AFDN: variants seen among roughly 807,000 people sequenced by gnomAD.
The protein encoded by AFDN is afadin, adherens junction formation factor, also known as afadin.
Under a neutral mutation model 216.6 loss-of-function variants are expected in AFDN, and 68 were observed. The ratio of observed to expected loss-of-function variants is 0.31; its 90% confidence interval spans 0.26 to 0.38. The LOEUF (loss-of-function observed/expected upper bound fraction) is 0.38. AFDN is among the 10% of genes least tolerant of loss of function. AFDN has a pLI of 1.00. For missense variants in AFDN, 2,136 were observed against 2,342.0 expected (o/e 0.91, Z 1.82); for synonymous variants, 868 against 853.7 (o/e 1.02, Z -0.29).
intron 9 of AFDN, among the ~76,000 whole-genome samples, chr6:167,896,085 G>A (rs1185243865): frequency 6.6e-6 from 1 of 152,156 alleles, no homozygotes; most frequent in Non-Finnish European, 1.5e-5. Context: ...TAGGTGAAGA[G>A]TGAGAAAACA....
intron 1 of AFDN, among the ~76,000 whole-genome samples, chr6:167,829,922 A>G (rs1369862834): frequency 2.6e-5 from 4 of 152,204 alleles, no homozygotes; most frequent in Admixed American, 1.3e-4. Flanking sequence ...GGGTAAAGGA[A>G]GGGCTTACAA....
intron 32 of AFDN, among the ~76,000 whole-genome samples, chr6:167,967,588 C>T (rs1797690883): frequency 1.3e-5 from 2 of 152,052 alleles, no homozygotes; most frequent in Admixed American, 6.6e-5. Flanking sequence ...TGTGTCATGA[C>T]AGAAATGTGA....
chr6:167,966,855 C>T (rs563930311), intron 32 of AFDN, among the ~76,000 whole-genome samples: 1 of 152,294 alleles, frequency 6.6e-6, no homozygotes, highest in East Asian at 1.9e-4. Flanking sequence ...GGTCCAGAGA[C>T]CCCCGTTACA....
chr6:167,907,072 C>G, intron 12 of AFDN, 99 bp from the exon 13 acceptor site: 1 of 842,596 alleles, frequency 1.2e-6, no homozygotes, highest in African/African-American at 1.7e-5. Context: ...GCCTGCCCTG[C>G]TTGGCAGCCC....
At chr6:167,947,253 A>C (rs935513559) in intron 27 of AFDN, among the ~76,000 whole-genome samples, 24 of 150,932 alleles carry the variant, frequency 1.6e-4, no homozygotes, top group East Asian at 9.7e-4. Context: ...GATCTCGGCT[A>C]ACTGCAAGCT....
At chr6:167,920,789 C>T (rs1791693349) in intron 21 of AFDN, among the ~76,000 whole-genome samples, 1 of 152,200 alleles carries the variant, frequency 6.6e-6, no homozygotes, top group Non-Finnish European at 1.5e-5. Context: ...GTACTCTACT[C>T]CTGCTCCTGC....
intron 1 of AFDN, among the ~76,000 whole-genome samples, chr6:167,860,422 G>A (rs958427964): frequency 6.6e-6 from 1 of 152,022 alleles, no homozygotes; most frequent in Admixed American, 6.6e-5. Context: ...TCCTGAGGGA[G>A]GACCTAGAAT....
intron 32 of AFDN, among the ~76,000 whole-genome samples, chr6:167,966,877 C>T (rs1419530631): frequency 6.6e-6 from 1 of 152,212 alleles, no homozygotes; most frequent in Non-Finnish European, 1.5e-5. Flanking sequence ...GGAAATTCCT[C>T]TCATCCCCTT....
rs572955536 is a variant in AFDN, at chr6:167,828,774, AT to A, written c.105+1551del. 4.6e-3 allele frequency among the ~76,000 whole-genome samples: 605 copies of A among 132,540 alleles called. 3 individuals carry two copies. The highest frequency in any genetic ancestry group is 0.012 in the African/African-American group (440 of 36,112). The allele number at this position is 132,540 out of a possible 152,430, so 87.0% of individuals were successfully genotyped here. ...TAGCTTTTTTTTTTTGTTTGAATGG[AT>A]TTTTTTTTTTTTTGAGAGATTTCTC... On this transcript the variant is annotated intron_variant, in intron 1 of 33. Coordinates refer to ENST00000683244, the MANE Select transcript of AFDN (RefSeq NM_001386888.1).
At chr6:167,950,625 T>C (rs1285692552) in intron 29 of AFDN, among the ~76,000 whole-genome samples, 3 of 152,174 alleles carry the variant, frequency 2.0e-5, no homozygotes, top group Non-Finnish European at 4.4e-5. Context: ...AAGTCACGGA[T>C]GGTTACATGG....
intron 26 of AFDN, among the ~76,000 whole-genome samples, chr6:167,945,941 C>T (rs761881103): frequency 3.9e-5 from 6 of 152,102 alleles, no homozygotes; most frequent in Non-Finnish European, 8.8e-5. Context: ...CTTTCTCCTC[C>T]GTAAGGCAGG....
intron 1 of AFDN, among the ~76,000 whole-genome samples, chr6:167,840,257 T>A (rs1780914232): frequency 6.6e-6 from 1 of 152,238 alleles, no homozygotes; most frequent in Non-Finnish European, 1.5e-5. Context: ...TTTGGTTGAA[T>A]CTGTGCGCAG....
intron 29 of AFDN, among the ~76,000 whole-genome samples, chr6:167,949,693 C>A (rs893812385): frequency 6.6e-6 from 1 of 152,148 alleles, no homozygotes; most frequent in African/African-American, 2.4e-5. Context: ...CTTCTAGTAT[C>A]TTTTGTTAGA....
chr6:167,869,950 G>A (rs548828380), intron 2 of AFDN, among the ~76,000 whole-genome samples: 5 of 152,220 alleles, frequency 3.3e-5, no homozygotes, highest in South Asian at 2.1e-4. Context: ...TGCTGCCATC[G>A]CTTTGTGTGG....
At chr6:167,876,697 T>C (rs1008693572) in intron 5 of AFDN, among the ~76,000 whole-genome samples, 45 of 152,232 alleles carry the variant, frequency 3.0e-4, no homozygotes, top group African/African-American at 1.0e-3. Flanking sequence ...AGAGTATCAA[T>C]TTTTATATCT....
At chr6:167,911,912 G>A (rs979422230) in intron 15 of AFDN, 14 of 201,296 alleles carry the variant, frequency 7.0e-5, no homozygotes, top group South Asian at 3.6e-4. Flanking sequence ...ACCTCAGAGC[G>A]ATACCCCTCA....
chr6:167,902,092 CAA>C (rs35449284), intron 11 of AFDN, among the ~76,000 whole-genome samples: 103 of 82,170 alleles, frequency 1.3e-3, no homozygotes, highest in East Asian at 4.0e-3. Context: ...GACTTCATCT[CAA>C]AAAAAAAAAA....
chr6:167,961,364 C>T (rs1035471790), intron 30 of AFDN, among the ~76,000 whole-genome samples: 1 of 152,160 alleles, frequency 6.6e-6, no homozygotes, highest in African/African-American at 2.4e-5. Context: ...TTCAAAGTTA[C>T]CATTATCTTA....
chr6:167,857,928 A>G (rs1034211925), intron 1 of AFDN, among the ~76,000 whole-genome samples: 1 of 152,196 alleles, frequency 6.6e-6, no homozygotes, highest in Admixed American at 6.5e-5. Context: ...GTGTACGAAT[A>G]TAGTATTTAA....
Sources: gnomAD v4.1 joint callset for allele counts (sites outside exome capture counted in the v4.1 genomes callset) on GRCh38, gnomAD v4.1.1 for gene constraint, MANE v1.5 for transcripts, NCBI Gene and HGNC (gene_info 2026-07-23, HGNC 2026-07-21) for gene names.